AKAP9: variants seen among roughly 807,000 people sequenced by gnomAD.
AKAP9 encodes A-kinase anchoring protein 9.
AKAP9 carries 311 observed loss-of-function variants against 488.5 expected under a neutral mutation model. The ratio of observed to expected loss-of-function variants is 0.64; its 90% CI spans 0.58 to 0.70. AKAP9 has a LOEUF of 0.70. Among genes scored for constraint, AKAP9 ranks in the 30% least tolerant of loss-of-function variants. AKAP9 has a pLI of 0.00. For missense variants in AKAP9, 4,215 were observed against 4,374.5 expected, an observed-to-expected ratio of 0.96 and a Z score of 1.03; for synonymous variants, 1,462 against 1,483.5, an observed-to-expected ratio of 0.99 and a Z score of 0.33.
rs547668154 is a variant in AKAP9 at position 92,074,062 on chromosome 7, C to T, written c.6613-2793C>T. 3.3e-5 allele frequency among the ~76,000 whole-genome samples: 5 copies of T among 152,278 alleles called. No individual in the cohort carries two copies. The East Asian group carries it at 9.7e-4, about 29-fold the overall frequency. On this transcript the variant is annotated intron_variant, in intron 28 of 49. Coordinates refer to ENST00000356239, the MANE Select transcript of AKAP9 (RefSeq NM_005751.5). ...AAGAGCTTCTGCACAGCAAAAGAAACTATCATCAGAATGAGCAGGCAACCT... is the reference window on the plus strand; with the variant it reads ...AAGAGCTTCTGCACAGCAAAAGAAATTATCATCAGAATGAGCAGGCAACCT...
chr7:92,071,046 G>C (rs1292817543), intron 28 of AKAP9, 37 bp downstream of exon 28: 5 of 1,512,102 alleles, frequency 3.3e-6, no homozygotes, highest in Non-Finnish European at 4.6e-6. Context: ...AGCGTGGTTT[G>C]AATTATTTTA....
intron 12 of AKAP9, among the ~76,000 whole-genome samples, chr7:92,019,794 G>A (rs530492556): frequency 3.3e-5 from 5 of 152,032 alleles, no homozygotes; most frequent in African/African-American, 1.2e-4. Flanking sequence ...GATCACCTGA[G>A]GTCAGGATTT....
intron 1 of AKAP9, among the ~76,000 whole-genome samples, chr7:91,962,850 A>G (rs759542199): frequency 6.6e-6 from 1 of 152,096 alleles, no homozygotes; most frequent in Admixed American, 6.6e-5. Context: ...TTATGATGCA[A>G]AGTTTTAGTT....
intron 3 of AKAP9, among the ~76,000 whole-genome samples, chr7:91,991,196 T>A (rs1797703962): frequency 6.6e-6 from 1 of 152,214 alleles, no homozygotes; most frequent in African/African-American, 2.4e-5. Flanking sequence ...GTAAAATATT[T>A]TAGAGGACAC....
chr7:92,053,883 C>CT (rs1808370170), intron 22 of AKAP9, among the ~76,000 whole-genome samples: 1 of 152,032 alleles, frequency 6.6e-6, no homozygotes, highest in African/African-American at 2.4e-5. Context: ...TTAATAAGTC[C>CT]TTTATATGAT....
chr7:91,956,125 G>A (rs1331876522), intron 1 of AKAP9, among the ~76,000 whole-genome samples: 1 of 151,894 alleles, frequency 6.6e-6, no homozygotes, highest in Non-Finnish European at 1.5e-5. Context: ...TGGAGGCTGG[G>A]CGCGGTGGCT....
intron 49 of AKAP9, 195 bp downstream of exon 49, chr7:92,108,828 T>C (rs1818932606): frequency 1.4e-6 from 1 of 711,742 alleles, no homozygotes; most frequent in Admixed American, 2.2e-5. Flanking sequence ...AGTGAAAATA[T>C]GATTTATCAC....
chr7:92,081,309 T>C (rs912981045), intron 31 of AKAP9, among the ~76,000 whole-genome samples: 4 of 150,928 alleles, frequency 2.7e-5, no homozygotes, highest in Non-Finnish European at 5.9e-5. Context: ...TTTTACAATT[T>C]TTTTTTTTTC....
chr7:92,053,853 G>A (rs1584339206), intron 22 of AKAP9, among the ~76,000 whole-genome samples: 1 of 152,122 alleles, frequency 6.6e-6, no homozygotes, highest in Non-Finnish European at 1.5e-5. Context: ...CTGAAACTGA[G>A]GGCCCAGCAA....
At chr7:92,032,421 G>A (rs1010640099) in intron 16 of AKAP9, among the ~76,000 whole-genome samples, 1 of 151,604 alleles carries the variant, frequency 6.6e-6, no homozygotes, top group Non-Finnish European at 1.5e-5. Context: ...GCTTGAACCC[G>A]GGAGGCAGAG....
intron 2 of AKAP9, among the ~76,000 whole-genome samples, chr7:91,976,314 C>T (rs1433858309): frequency 6.6e-6 from 1 of 152,154 alleles, no homozygotes; most frequent in Non-Finnish European, 1.5e-5. Flanking sequence ...CTCAACCTCC[C>T]AGACTTCAGT....
Position 92,096,679 on chromosome 7 carries a change from C to G in AKAP9, c.9730-10C>G. ...TTAACAAGTTCTTAAATTTGATTTT[C>G]TCGTACCAGGATCTGAAGTTTTCAC... On this transcript the variant is annotated splice_polypyrimidine_tract_variant and intron_variant, in intron 40 of 49. Transcript: ENST00000356239. The G allele has an allele frequency of 1.2e-6, 2 of 1,613,766 alleles. No individual in the cohort carries two copies. The highest frequency in any genetic ancestry group is 1.7e-6 in the Non-Finnish European group (2 of 1,179,990).
intron 3 of AKAP9, among the ~76,000 whole-genome samples, chr7:91,982,171 G>A (rs1201823173): frequency 8.4e-6 from 1 of 119,712 alleles, no homozygotes; most frequent in African/African-American, 3.1e-5. Flanking sequence ...ACGTACGTAT[G>A]TATGTATGTA....
intron 16 of AKAP9, among the ~76,000 whole-genome samples, chr7:92,037,448 AT>A (rs1805379264): frequency 6.6e-6 from 1 of 152,190 alleles, no homozygotes; most frequent in Non-Finnish European, 1.5e-5. Flanking sequence ...AAATACAAAT[AT>A]TTCTAATCCC....
intron 1 of AKAP9, among the ~76,000 whole-genome samples, chr7:91,960,456 A>T (rs1005582832): frequency 6.6e-6 from 1 of 152,114 alleles, no homozygotes; most frequent in Non-Finnish European, 1.5e-5. Flanking sequence ...GTTCCATTTT[A>T]TTTTGCTGCT....
intron 45 of AKAP9, among the ~76,000 whole-genome samples, chr7:92,102,108 A>G (rs1817597680): frequency 6.6e-6 from 1 of 151,876 alleles, no homozygotes; most frequent in South Asian, 2.1e-4. Context: ...GTGAGCCGAG[A>G]TCACGCCACT....
In AKAP9 at chr7:92,022,279, A is replaced by C. The variant is rs2130730259; in HGVS notation, c.3879A>C (p.Gly1293=). 1 of 1,613,682 alleles carries C rather than the reference A, an allele frequency of 6.2e-7. No individual in the cohort carries two copies. The highest frequency in any genetic ancestry group is 1.7e-4 in the Middle Eastern group (1 of 6,054). Residue 1293 remains glycine (G), a synonymous_variant, in exon 13 of 50, where the codon GGA becomes GGC. Transcript: ENST00000356239. ...CAGATGGTATGAAACTTGAATTTGGAGAAGAAAACCTTCCAAAAGAGGAAA... is the reference window on the plus strand; with the variant it reads ...CAGATGGTATGAAACTTGAATTTGGCGAAGAAAACCTTCCAAAAGAGGAAA... ...QQTDGMKLEF[G]EENLPKEETE...
intron 30 of AKAP9, among the ~76,000 whole-genome samples, chr7:92,078,827 T>C (rs1040584646): frequency 3.3e-5 from 5 of 152,144 alleles, no homozygotes; most frequent in African/African-American, 1.2e-4. Flanking sequence ...AGTATTGATA[T>C]TGACTATTTT....
Position 92,026,701 on chromosome 7 carries a change from G to A in AKAP9, c.4149-3194G>A, listed in dbSNP as rs944217953. Reference sequence around the variant, plus strand: ...TCGCTACAACCTCCACCTCCCAGCCGCCTGCCTTGGCCTCCCAAAGTGCTG... The same window carrying A: ...TCGCTACAACCTCCACCTCCCAGCCACCTGCCTTGGCCTCCCAAAGTGCTG... On this transcript the variant is annotated intron_variant, in intron 14 of 49. Coordinates refer to ENST00000356239, the MANE Select transcript of AKAP9 (RefSeq NM_005751.5). Among the ~76,000 whole-genome samples, 5 of 152,294 alleles carry A rather than the reference G, an allele frequency of 3.3e-5. No homozygotes were observed. In the East Asian group the frequency reaches 7.7e-4, roughly 23 times the overall value.
Sources: allele counts gnomAD v4.1 joint callset (sites outside exome capture counted in the v4.1 genomes callset), GRCh38; gene constraint gnomAD v4.1.1; transcripts MANE v1.5; gene names NCBI Gene and HGNC (gene_info 2026-07-23, HGNC 2026-07-21).